The following WASF1 variants were observed in gnomAD, a reference collection of about 807,000 sequenced individuals.
WASF1 encodes the protein WASP family member 1, also known as actin-binding protein WASF1.
In WASF1, 7 loss-of-function variants were observed where a neutral mutation model predicts 50.5. The observed-to-expected ratio is 0.14, with a 90% CI of 0.08 to 0.26. The LOEUF (loss-of-function observed/expected upper bound fraction) is 0.26, where lower values mean the gene tolerates loss of function less well. Ranked by LOEUF, WASF1 falls within the 10% of genes least tolerant of loss-of-function variation. The pLI, the probability that WASF1 is intolerant of heterozygous loss-of-function variation, is 1.00. For missense variants in WASF1, 470 were observed against 694.7 expected, an observed-to-expected ratio of 0.68 and a Z score of 3.64; for synonymous variants, 205 against 244.0, an observed-to-expected ratio of 0.84 and a Z score of 1.49.
intron 3 of WASF1, among the ~76,000 whole-genome samples, chr6:110,131,634 A>G (rs1443608781): frequency 6.6e-6 from 1 of 152,006 alleles, no homozygotes; most frequent in African/African-American, 2.4e-5. Context: ...CAGCCTCCGG[A>G]GCAGCTGGGA....
chr6:110,148,340 G>A (rs1319881905), intron 3 of WASF1, among the ~76,000 whole-genome samples: 3 of 151,890 alleles, frequency 2.0e-5, no homozygotes, highest in Non-Finnish European at 2.9e-5. Flanking sequence ...ACAATCCCCC[G>A]TGTATTTCCT....
chr6:110,103,394 T>C lies in WASF1; in HGVS notation c.877A>G (p.Ile293Val), dbSNP rs2114450804. The C allele has an allele frequency of 6.2e-7, 1 of 1,612,906 alleles. No individual in the cohort carries two copies. Among genetic ancestry groups the C allele is most frequent in the Non-Finnish European group, 8.5e-7 (1 of 1,179,302 alleles). The change falls in exon 9 of 11, where the codon ATA becomes GTA. Residue 293 changes from isoleucine (I) to valine (V), a missense_variant. By Grantham distance (29) the Ile-to-Val change is conservative. This residue lies in a region of WASF1 where 294 missense variants were observed against 343.5 expected (regional missense o/e 0.86). Transcript: ENST00000392589. ...PMHGAGDAKPIPTCISSATGL... is the reference protein window; with the variant it reads ...PMHGAGDAKPVPTCISSATGL... ...CCAACATACCTGATACAGGTGGGTATCGGTTTTGCATCTCCTGCTCCATGC... is the reference window on the plus strand; with the variant it reads ...CCAACATACCTGATACAGGTGGGTACCGGTTTTGCATCTCCTGCTCCATGC...
chr6:110,139,144 G>A (rs994106239), intron 3 of WASF1, among the ~76,000 whole-genome samples: 5 of 152,248 alleles, frequency 3.3e-5, no homozygotes, highest in African/African-American at 9.6e-5. Context: ...GCCAGCTTGT[G>A]ACACCACCCG....
intron 3 of WASF1, among the ~76,000 whole-genome samples, chr6:110,132,956 T>C (rs1376466002): frequency 3.1e-5 from 4 of 128,482 alleles, no homozygotes; most frequent in Admixed American, 3.1e-4. Flanking sequence ...GTGTATTCCA[T>C]GGTGTATACA....
At chr6:110,154,712 T>C (rs555611198) in intron 3 of WASF1, among the ~76,000 whole-genome samples, 53 of 152,174 alleles carry the variant, frequency 3.5e-4, no homozygotes, top group African/African-American at 1.2e-3. Context: ...TATTTTACTT[T>C]ATATAGGAAC....
At chr6:110,138,159 C>CA (rs1466005143) in intron 3 of WASF1, among the ~76,000 whole-genome samples, 1 of 152,230 alleles carries the variant, frequency 6.6e-6, no homozygotes. Flanking sequence ...TGCAGTGGGG[C>CA]AGGGAGCTCC....
intron 5 of WASF1, 104 bp from the exon 6 acceptor site, chr6:110,108,785 G>A: frequency 1.8e-6 from 2 of 1,123,950 alleles, no homozygotes; most frequent in Middle Eastern, 2.2e-4. Context: ...CATGGCTCAA[G>A]AGGTTGTGAC....
At chr6:110,145,441 T>C (rs1052774016) in intron 3 of WASF1, among the ~76,000 whole-genome samples, 4 of 152,224 alleles carry the variant, frequency 2.6e-5, no homozygotes, top group Non-Finnish European at 5.9e-5. Context: ...CCTAATTGAA[T>C]GCCCTTTATT....
intron 3 of WASF1, among the ~76,000 whole-genome samples, chr6:110,141,503 G>C (rs1775234526): frequency 6.6e-6 from 1 of 151,984 alleles, no homozygotes; most frequent in Non-Finnish European, 1.5e-5. Flanking sequence ...CCTCAACATG[G>C]ATCCACAAAT....
chr6:110,102,457 C>T (rs1773137631), intron 9 of WASF1, among the ~76,000 whole-genome samples: 1 of 151,902 alleles, frequency 6.6e-6, no homozygotes, highest in Non-Finnish European at 1.5e-5. Flanking sequence ...CTCATTCTCT[C>T]ATGCAACTTT....
At position 110,132,107 on chromosome 6, in the gene WASF1, T is replaced by C. The variant is rs1242973311; in HGVS notation, c.-28-4478A>G. 1.3e-3 allele frequency among the ~76,000 whole-genome samples: 198 copies of C among 152,176 alleles called. 1 individual carries two copies. Among genetic ancestry groups the C allele is most frequent in the Admixed American group, 0.013 (192 of 15,280 alleles). ...TATAGTTTTCTAAAGAGAAGTCTTA[T>C]ACATCATTATTTATTTGTATGTAGA... is the stretch of plus-strand genomic sequence containing the variant. On this transcript the variant is annotated intron_variant, in intron 3 of 10. Coordinates refer to ENST00000392589, the MANE Select transcript of WASF1 (RefSeq NM_003931.3).
chr6:110,118,347 CAAAAAAAAAAAAAAA>C (rs56948481), intron 4 of WASF1, among the ~76,000 whole-genome samples: 8 of 7,476 alleles, frequency 1.1e-3, no homozygotes, highest in East Asian at 9.5e-3. Context: ...AAACGGAAAG[CAAAAAAAAAAAAAAA>C]AAAAAAAAAA....
chr6:110,164,715 T>A (rs1249033148), intron 2 of WASF1, among the ~76,000 whole-genome samples: 1 of 151,496 alleles, frequency 6.6e-6, no homozygotes, highest in African/African-American at 2.4e-5. Context: ...CCCAAAGAGG[T>A]GAAAACTTAC....
intron 3 of WASF1, among the ~76,000 whole-genome samples, chr6:110,151,028 ACT>A (rs2114580172): frequency 6.6e-6 from 1 of 152,298 alleles, no homozygotes; most frequent in East Asian, 1.9e-4. Flanking sequence ...CAAGAGTGAA[ACT>A]CTGTCTCAAA....
intron 2 of WASF1, among the ~76,000 whole-genome samples, chr6:110,171,924 A>G (rs939162957): frequency 2.6e-5 from 4 of 152,238 alleles, no homozygotes; most frequent in East Asian, 1.9e-4. Flanking sequence ...CAACAGACAC[A>G]TGAAAAAATG....
At chr6:110,145,401 G>A (rs1237709472) in intron 3 of WASF1, among the ~76,000 whole-genome samples, 3 of 152,178 alleles carry the variant, frequency 2.0e-5, no homozygotes, top group Non-Finnish European at 2.9e-5. Context: ...CATGTCATCT[G>A]CAAACAGGGA....
At chr6:110,138,142 T>G (rs985107180) in intron 3 of WASF1, among the ~76,000 whole-genome samples, 5 of 152,248 alleles carry the variant, frequency 3.3e-5, no homozygotes, top group African/African-American at 1.2e-4. Flanking sequence ...TAGCCAAGCA[T>G]GCTGGCTGCA....
At chr6:110,174,145 T>TTTAA (rs1427065631) in intron 2 of WASF1, among the ~76,000 whole-genome samples, 1 of 152,134 alleles carries the variant, frequency 6.6e-6, no homozygotes, top group Non-Finnish European at 1.5e-5. Context: ...TACACTAAGC[T>TTTAA]TTAACTGTTT....
At chr6:110,147,355 A>G (rs1014767047) in intron 3 of WASF1, among the ~76,000 whole-genome samples, 7 of 152,018 alleles carry the variant, frequency 4.6e-5, no homozygotes, top group Non-Finnish European at 1.0e-4. Flanking sequence ...CAAAAAAAAA[A>G]AAAAAAAATT....
Sources: allele counts gnomAD v4.1 joint callset (sites outside exome capture counted in the v4.1 genomes callset), GRCh38; gene constraint gnomAD v4.1.1; regional missense constraint gnomAD v4.1.1; transcripts MANE v1.5; gene names NCBI Gene and HGNC (gene_info 2026-07-23, HGNC 2026-07-21).